COL24A1: variants seen among roughly 807,000 people sequenced by gnomAD.
COL24A1 encodes the protein collagen alpha-1(XXIV) chain.
In COL24A1, 224 loss-of-function variants were observed where a neutral mutation model predicts 253.9. That is an observed-to-expected ratio of 0.88 (90% confidence interval 0.79 to 0.99). The LOEUF (loss-of-function observed/expected upper bound fraction) is 0.99, where lower values mean the gene tolerates loss of function less well. COL24A1 is among the 50% of genes least tolerant of loss of function. The pLI, the probability that COL24A1 is intolerant of heterozygous loss-of-function variation, is 0.00. For missense variants in COL24A1, 2,131 were observed against 2,068.5 expected (o/e 1.03, Z -0.59); for synonymous variants, 685 against 673.7 (o/e 1.02, Z -0.26).
intron 5 of COL24A1, among the ~76,000 whole-genome samples, chr1:86,101,258 T>C (rs1352310272): frequency 6.6e-6 from 1 of 152,230 alleles, no homozygotes. Flanking sequence ...TTTGTTGAAG[T>C]TGTATATCAG....
intron 14 of COL24A1, among the ~76,000 whole-genome samples, chr1:86,025,484 C>A (rs1381332553): frequency 6.6e-6 from 1 of 152,058 alleles, no homozygotes; most frequent in Non-Finnish European, 1.5e-5. Flanking sequence ...TAAATCACAC[C>A]CACCATACTC....
At chr1:86,094,004 G>T (rs1032515793) in intron 5 of COL24A1, among the ~76,000 whole-genome samples, 1 of 152,110 alleles carries the variant, frequency 6.6e-6, no homozygotes, top group Non-Finnish European at 1.5e-5. Flanking sequence ...TGCTGGTGAC[G>T]TTGCGGAGAA....
chr1:85,830,001 A>C (rs999643681), intron 43 of COL24A1, among the ~76,000 whole-genome samples: 1 of 151,642 alleles, frequency 6.6e-6, no homozygotes, highest in Non-Finnish European at 1.5e-5. Context: ...GAGGCGCTCT[A>C]CTTTTCAGAG....
At position 85,745,467 on chromosome 1, in the gene COL24A1, C is replaced by T; in HGVS notation, c.4477G>A (p.Glu1493Lys). ...TCCATCTGTAGGGCAGTATTTGATT[C>T]AATCAAGGCTTGAATAGCAGCATTG... The part of the protein sequence containing the change: ...DINAAIQALI[E>K]SNTALQMESY... Residue 1493 changes from glutamate (E) to lysine (K), a missense_variant, in exon 56 of 60, where the codon GAA becomes AAA. By Grantham distance (56) the Glu-to-Lys change is moderately conservative. Transcript: ENST00000370571. The T allele has an allele frequency of 6.2e-7, 1 of 1,610,128 alleles. No individual in the cohort carries two copies. The highest frequency in any genetic ancestry group is 8.5e-7 in the Non-Finnish European group (1 of 1,178,402).
At chr1:85,745,627 T>C in intron 55 of COL24A1, 121 bp from the exon 56 acceptor site, 1 of 639,700 alleles carries the variant, frequency 1.6e-6, no homozygotes, top group Non-Finnish European at 2.5e-6. Context: ...TCTGAAGGGG[T>C]TCTGTAACTC....
intron 32 of COL24A1, among the ~76,000 whole-genome samples, chr1:85,882,107 C>G (rs1392930538): frequency 6.6e-6 from 1 of 152,144 alleles, no homozygotes; most frequent in Non-Finnish European, 1.5e-5. Context: ...TATTTAATCT[C>G]CAAATGTTTT....
chr1:86,031,833 C>A, intron 14 of COL24A1, 45 bp downstream of exon 14: 2 of 1,513,560 alleles, frequency 1.3e-6, no homozygotes, highest in Non-Finnish European at 1.8e-6. Context: ...ATAAATTGCA[C>A]AATAAAATAT....
chr1:85,995,293 C>T (rs1375602592), intron 19 of COL24A1, among the ~76,000 whole-genome samples: 1 of 151,726 alleles, frequency 6.6e-6, no homozygotes. Flanking sequence ...GTTTTGTTGC[C>T]CAGGCTGGTC....
At chr1:85,814,356 C>T (rs313756) in intron 47 of COL24A1, among the ~76,000 whole-genome samples, 70,054 of 151,976 alleles carry the variant, frequency 0.46, 16,439 homozygotes, top group East Asian at 0.58. Context: ...TGGCATTGAA[C>T]GGAATCAACA....
At chr1:85,923,668 G>A (rs1474239471) in intron 24 of COL24A1, among the ~76,000 whole-genome samples, 1 of 152,174 alleles carries the variant, frequency 6.6e-6, no homozygotes, top group East Asian at 1.9e-4. Context: ...CATATTAAAA[G>A]CAGTGTGTAG....
At chr1:85,740,621 C>A (rs1160658594) in intron 57 of COL24A1, among the ~76,000 whole-genome samples, 1 of 151,862 alleles carries the variant, frequency 6.6e-6, no homozygotes, top group Admixed American at 6.6e-5. Flanking sequence ...CCATGGCTGG[C>A]CAATTTTTCT....
At chr1:85,923,996 G>A (rs2174051) in intron 24 of COL24A1, among the ~76,000 whole-genome samples, 47,682 of 151,846 alleles carry the variant, frequency 0.31, 8,502 homozygotes, top group East Asian at 0.51. Flanking sequence ...ATATCATCAC[G>A]GATCTCACAG....
rs12098123 is a variant in COL24A1, at chr1:85,834,841, C to A, written c.3681+3744G>T. Among the ~76,000 whole-genome samples, 64 of 152,220 alleles carry A rather than the reference C, an allele frequency of 4.2e-4. 1 individual carries two copies. Among genetic ancestry groups the A allele is most frequent in the African/African-American group, 1.5e-3 (62 of 41,524 alleles). On this transcript the variant is annotated intron_variant, in intron 43 of 59. Coordinates refer to ENST00000370571, the MANE Select transcript of COL24A1 (RefSeq NM_152890.7). ...AAGCGTCAAATAAATTTATCTTGAT[C>A]TATGTGATGTACAGTTTTAGTACAG...
intron 19 of COL24A1, among the ~76,000 whole-genome samples, chr1:86,013,832 T>A (rs1014978061): frequency 2.0e-5 from 3 of 152,144 alleles, no homozygotes; most frequent in African/African-American, 7.2e-5. Flanking sequence ...TGAAACTGTG[T>A]CTCAAAAAAA....
chr1:85,945,019 T>TTTTTTTTTTG lies in COL24A1; in HGVS notation c.2562+16229_2562+16230insCAAAAAAAAA, dbSNP rs1689179487. ...ATCATTGTGTTTTTTTTTTTTTTTT[T>TTTTTTTTTTG]TTTTTTTTTTTTTTTTGAGACAGAG... On this transcript the variant is annotated intron_variant, in intron 24 of 59. Coordinates refer to ENST00000370571, the MANE Select transcript of COL24A1 (RefSeq NM_152890.7). Among the ~76,000 whole-genome samples the TTTTTTTTTTG allele has an allele frequency of 2.9e-4, 21 of 73,358 alleles. 1 individual carries two copies. The highest frequency in any genetic ancestry group is 1.2e-3 in the East Asian group (2 of 1,676). The allele number at this position is 73,358 out of a possible 152,430, so 48.1% of individuals were successfully genotyped here. A position where few individuals can be genotyped will look rare whatever the true frequency, so the allele number is the denominator to read the frequency against.
chr1:85,810,724 T>A (rs1294058476), intron 47 of COL24A1, among the ~76,000 whole-genome samples: 1 of 152,138 alleles, frequency 6.6e-6, no homozygotes. Context: ...CTCTCTTGCT[T>A]GTTACTGCTT....
intron 47 of COL24A1, among the ~76,000 whole-genome samples, chr1:85,813,699 C>T (rs1672796771): frequency 6.6e-6 from 1 of 150,448 alleles, no homozygotes; most frequent in South Asian, 2.1e-4. Flanking sequence ...GACAGGCGCC[C>T]GCCACTACGC....
intron 13 of COL24A1, among the ~76,000 whole-genome samples, 193 bp from the exon 14 acceptor site, chr1:86,032,115 T>C (rs7414042): frequency 0.13 from 19,554 of 152,228 alleles, 1,406 homozygotes; most frequent in Middle Eastern, 0.24. Context: ...TTTATGTTCT[T>C]CACAAGTGCC....
At chr1:85,980,464 A>G (rs1297567848) in intron 20 of COL24A1, among the ~76,000 whole-genome samples, 1 of 152,234 alleles carries the variant, frequency 6.6e-6, no homozygotes, top group Non-Finnish European at 1.5e-5. Context: ...TAGCTCTGAT[A>G]AATAGATTCA....
Sources: gnomAD v4.1 joint callset for allele counts (sites outside exome capture counted in the v4.1 genomes callset) on GRCh38, gnomAD v4.1.1 for gene constraint, MANE v1.5 for transcripts, NCBI Gene and HGNC (gene_info 2026-07-23, HGNC 2026-07-21) for gene names.